The following CDH23 variants were observed in gnomAD, a reference collection of about 807,000 sequenced individuals.
CDH23 encodes the protein cadherin-23.
CDH23 carries 189 observed loss-of-function variants against 317.1 expected under a neutral mutation model. The observed-to-expected ratio is 0.60, with a 90% confidence interval of 0.53 to 0.67. The LOEUF (loss-of-function observed/expected upper bound fraction) is 0.67. Among genes scored for constraint, CDH23 ranks in the 30% least tolerant of loss-of-function variants. The probability of loss-of-function intolerance (pLI) is 0.00; values close to 1 mark genes in which losing one functional copy is unlikely to be tolerated. For missense variants in CDH23, 4,401 were observed against 4,592.4 expected, an observed-to-expected ratio of 0.96 and a Z score of 1.20; for synonymous variants, 1,839 against 1,876.8, an observed-to-expected ratio of 0.98 and a Z score of 0.52.
chr10:71,810,132 C>A, intron 61 of CDH23, 56 bp downstream of exon 61: 1 of 1,593,904 alleles, frequency 6.3e-7, no homozygotes, highest in Non-Finnish European at 8.6e-7. Context: ...AAGGGGAGGC[C>A]AGGCCACAAG....
chr10:71,575,649 G>A (rs538568312), intron 8 of CDH23, among the ~76,000 whole-genome samples: 23 of 152,302 alleles, frequency 1.5e-4, no homozygotes, highest in African/African-American at 4.1e-4. Flanking sequence ...GCACCCTGGC[G>A]CACACCCCAG....
At chr10:71,589,541 C>T (rs553200777) in intron 9 of CDH23, among the ~76,000 whole-genome samples, 5 of 152,322 alleles carry the variant, frequency 3.3e-5, no homozygotes, top group Admixed American at 2.0e-4. Flanking sequence ...AGTACAGACC[C>T]TAGGGAGAAC....
intron 14 of CDH23, among the ~76,000 whole-genome samples, chr10:71,652,350 C>A (rs1469291494): frequency 6.6e-6 from 1 of 152,258 alleles, no homozygotes; most frequent in African/African-American, 2.4e-5. Flanking sequence ...GTCACTCCTT[C>A]TCTGGGACTT....
At chr10:71,467,377 T>C (rs2132077081) in intron 3 of CDH23, among the ~76,000 whole-genome samples, 1 of 152,270 alleles carries the variant, frequency 6.6e-6, no homozygotes, top group Non-Finnish European at 1.5e-5. Context: ...GAGTTTCTGG[T>C]TGAGCAGGTC....
At chr10:71,719,841 G>C (rs987231009) in intron 28 of CDH23, 12 of 152,606 alleles carry the variant, frequency 7.9e-5, no homozygotes, top group African/African-American at 2.9e-4. Context: ...CCCTGCCTTG[G>C]GGGAGGGGAT....
chr10:71,572,297 G>A (rs780257509), intron 8 of CDH23, among the ~76,000 whole-genome samples: 3 of 151,996 alleles, frequency 2.0e-5, no homozygotes, highest in Non-Finnish European at 4.4e-5. Context: ...TCTGCCCCTA[G>A]CCCAACTTTG....
At position 71,742,376 on chromosome 10, in the gene CDH23, C is replaced by T. The variant is rs78239055; in HGVS notation, c.4845+455C>T. ...CCCCTACATTGTGTGGTGTGGCATG[C>T]TGTCACAACACGTCAGGGTGGGAAG... On this transcript the variant is annotated intron_variant, in intron 38 of 69. Coordinates refer to ENST00000224721, the MANE Select transcript of CDH23 (RefSeq NM_022124.6). Among the ~76,000 whole-genome samples, 807 of 152,330 alleles carry T rather than the reference C, an allele frequency of 5.3e-3. 7 individuals carry two copies. The highest frequency in any genetic ancestry group is 0.018 in the African/African-American group (761 of 41,572).
chr10:71,508,807 T>C (rs1338385226), intron 3 of CDH23, among the ~76,000 whole-genome samples: 1 of 152,174 alleles, frequency 6.6e-6, no homozygotes, highest in East Asian at 1.9e-4. Context: ...CTTCGGAAAA[T>C]GACGCGCTGT....
Position 71,809,923 on chromosome 10 carries a change from C to A in CDH23, c.8826C>A (p.Asp2942Glu), listed in dbSNP as rs760527365. The change falls in exon 61 of 70, where the codon GAC becomes GAA. Residue 2942 changes from aspartate to glutamate, a missense_variant. By Grantham distance (45) the Asp-to-Glu change is conservative (BLOSUM62 2). This residue lies in a region of CDH23 where 1,144 missense variants were observed against 1,138.2 expected (regional missense o/e 1.01). Coordinates refer to ENST00000224721, the MANE Select transcript of CDH23 (RefSeq NM_022124.6). ...CCCGAGACCTGGCAGGCCACAACGA[C>A]ACGGCCATCATCGGCATCTACATCC... is the stretch of plus-strand genomic sequence containing the variant. ...IVARDLAGHN[D>E]TAIIGIYILR... is the part of the protein sequence containing the mutation. 6.2e-7 allele frequency: 1 copy of A among 1,612,910 alleles called. No homozygotes were observed. Among genetic ancestry groups the A allele is most frequent in the Non-Finnish European group, 8.5e-7 (1 of 1,179,900 alleles).
At chr10:71,660,049 C>T (rs1262769462) in intron 14 of CDH23, among the ~76,000 whole-genome samples, 1 of 145,490 alleles carries the variant, frequency 6.9e-6, no homozygotes, top group East Asian at 2.2e-4. Context: ...CAACTTTTGA[C>T]TCCCTGGTTC....
intron 3 of CDH23, among the ~76,000 whole-genome samples, chr10:71,461,451 G>A (rs1206729727): frequency 6.6e-6 from 1 of 152,254 alleles, no homozygotes. Context: ...CGGAAGAGGT[G>A]TCTGGAGAGG....
intron 14 of CDH23, among the ~76,000 whole-genome samples, chr10:71,670,806 G>A (rs987285489): frequency 2.6e-5 from 4 of 152,132 alleles, no homozygotes; most frequent in African/African-American, 7.2e-5. Flanking sequence ...CCTCTTATGA[G>A]AGCCTTCACA....
chr10:71,478,613 C>A (rs1851911639), intron 3 of CDH23, among the ~76,000 whole-genome samples: 1 of 152,190 alleles, frequency 6.6e-6, no homozygotes, highest in African/African-American at 2.4e-5. Flanking sequence ...CTGGTCCAGG[C>A]AAACATGGCC....
rs773968476 is a variant in CDH23, at chr10:71,784,433, G to A, written c.5502+13G>A. On this transcript the variant is annotated intron_variant, in intron 42 of 69. Transcript: ENST00000224721. Reference sequence around the variant, plus strand: ...ACTCAGCTCCACAGTGAGTCTGGGGGCCCCACCCGCTGGCTTCACCTCGCT... The same window carrying A: ...ACTCAGCTCCACAGTGAGTCTGGGGACCCCACCCGCTGGCTTCACCTCGCT... 3 of 1,610,062 alleles carry A rather than the reference G, an allele frequency of 1.9e-6. No individual in the cohort carries two copies. Among genetic ancestry groups the A allele is most frequent in the Non-Finnish European group, 2.5e-6 (3 of 1,177,692 alleles).
intron 3 of CDH23, among the ~76,000 whole-genome samples, chr10:71,493,805 C>T (rs918281753): frequency 1.2e-4 from 18 of 152,118 alleles, no homozygotes; most frequent in Non-Finnish European, 1.5e-4. Context: ...TAATGATTCG[C>T]GAAATACACT....
intron 1 of CDH23, among the ~76,000 whole-genome samples, chr10:71,407,434 C>G (rs564865136): frequency 7.9e-5 from 12 of 152,216 alleles, no homozygotes; most frequent in Non-Finnish European, 1.6e-4. Context: ...ATTTAAACAT[C>G]CATGGGAGTG....
At chr10:71,430,341 C>G (rs150325672) in intron 1 of CDH23, among the ~76,000 whole-genome samples, 2 of 152,002 alleles carry the variant, frequency 1.3e-5, no homozygotes, top group African/African-American at 2.4e-5. Flanking sequence ...GTGGGGAAAC[C>G]GCTTTTTCCT....
chr10:71,805,160 G>A (rs1841672769), intron 55 of CDH23, among the ~76,000 whole-genome samples: 1 of 152,174 alleles, frequency 6.6e-6, no homozygotes, highest in African/African-American at 2.4e-5. Flanking sequence ...CTTGTCATGG[G>A]TCAATGTATG....
At chr10:71,648,692 G>A (rs913587506) in intron 14 of CDH23, among the ~76,000 whole-genome samples, 6 of 152,206 alleles carry the variant, frequency 3.9e-5, no homozygotes, top group African/African-American at 4.8e-5. Context: ...GTGAATGTGA[G>A]CCGAGCCCCT....
Sources: gnomAD v4.1 joint callset for allele counts (sites outside exome capture counted in the v4.1 genomes callset) on GRCh38, gnomAD v4.1.1 for gene constraint, gnomAD v4.1.1 regional missense constraint, MANE v1.5 for transcripts, NCBI Gene and HGNC (gene_info 2026-07-23, HGNC 2026-07-21) for gene names.